Variants in IQGAP2 observed in about 807,000 individuals in gnomAD.
IQGAP2 encodes the protein ras GTPase-activating-like protein IQGAP2.
In IQGAP2, 173 loss-of-function variants were observed where a neutral mutation model predicts 201.3. That is an observed-to-expected ratio of 0.86 (90% CI 0.76 to 0.98). The LOEUF (loss-of-function observed/expected upper bound fraction) is 0.98, where lower values mean the gene tolerates loss of function less well. Ranked by LOEUF, IQGAP2 falls within the 50% of genes least tolerant of loss-of-function variation. IQGAP2 has a pLI of 0.00. For synonymous variants in IQGAP2, 675 were observed against 673.9 expected, an observed-to-expected ratio of 1.00 and a Z score of -0.03; for missense variants, 1,687 against 1,864.8, an observed-to-expected ratio of 0.90 and a Z score of 1.76.
At chr5:76,652,316 G>A (rs1752580957) in intron 17 of IQGAP2, among the ~76,000 whole-genome samples, 1 of 152,132 alleles carries the variant, frequency 6.6e-6, no homozygotes, top group South Asian at 2.1e-4. Flanking sequence ...TTCCAGTCGG[G>A]GCCACAGTGG....
chr5:76,561,566 C>G (rs1048473761), intron 2 of IQGAP2, among the ~76,000 whole-genome samples: 1 of 152,108 alleles, frequency 6.6e-6, no homozygotes, highest in African/African-American at 2.4e-5. Context: ...GAACTGCACA[C>G]CGGGTTCTTG....
intron 2 of IQGAP2, among the ~76,000 whole-genome samples, chr5:76,551,036 C>T (rs1004342296): frequency 1.3e-5 from 2 of 151,470 alleles, no homozygotes; most frequent in African/African-American, 2.4e-5. Context: ...AGAGAGGCTC[C>T]TCACTTCCCG....
chr5:76,590,010 A>G (rs1441363929), intron 7 of IQGAP2, among the ~76,000 whole-genome samples: 1 of 152,188 alleles, frequency 6.6e-6, no homozygotes, highest in Non-Finnish European at 1.5e-5. Context: ...TTAGTGGTAG[A>G]GTTCATTGTT....
At chr5:76,425,664 C>T (rs979388986) in intron 1 of IQGAP2, among the ~76,000 whole-genome samples, 3 of 152,116 alleles carry the variant, frequency 2.0e-5, no homozygotes, top group Non-Finnish European at 2.9e-5. Context: ...CATTAGTTCT[C>T]ATATTATTCC....
At chr5:76,504,577 A>G (rs1757490912) in intron 2 of IQGAP2, among the ~76,000 whole-genome samples, 1 of 152,102 alleles carries the variant, frequency 6.6e-6, no homozygotes, top group South Asian at 2.1e-4. Context: ...TGAGCCCCAG[A>G]TCTGTGTGTG....
At chr5:76,662,771 TC>T (rs1743376990) in intron 21 of IQGAP2, among the ~76,000 whole-genome samples, 1 of 152,234 alleles carries the variant, frequency 6.6e-6, no homozygotes, top group Non-Finnish European at 1.5e-5. Flanking sequence ...TAACTGCACT[TC>T]CTTTCTTTGT....
chr5:76,697,631 G>A (rs901777568), intron 32 of IQGAP2, among the ~76,000 whole-genome samples: 1 of 151,950 alleles, frequency 6.6e-6, no homozygotes, highest in African/African-American at 2.4e-5. Flanking sequence ...GCAAGACTAT[G>A]TCTAAAAAAA....
intron 2 of IQGAP2, among the ~76,000 whole-genome samples, chr5:76,530,861 A>G (rs1444911172): frequency 6.6e-6 from 1 of 152,236 alleles, no homozygotes; most frequent in African/African-American, 2.4e-5. Flanking sequence ...TTAAGAATCC[A>G]TTCAGAATGC....
At chr5:76,540,613 G>A (rs1409423112) in intron 2 of IQGAP2, among the ~76,000 whole-genome samples, 2 of 152,220 alleles carry the variant, frequency 1.3e-5, no homozygotes, top group African/African-American at 4.8e-5. Context: ...AGGGTACCAT[G>A]AACAGAAGTA....
At chr5:76,672,884 A>G (rs1231747748) in intron 24 of IQGAP2, among the ~76,000 whole-genome samples, 4 of 130,964 alleles carry the variant, frequency 3.1e-5, no homozygotes, top group Non-Finnish European at 6.3e-5. Context: ...GAAGGGGAAC[A>G]TCACACTCTG....
At chr5:76,596,190 A>G (rs1246016963) in intron 9 of IQGAP2, among the ~76,000 whole-genome samples, 1 of 152,218 alleles carries the variant, frequency 6.6e-6, no homozygotes. Context: ...CATCTTGTCA[A>G]AAAGGGTTAG....
chr5:76,640,887 T>G, intron 16 of IQGAP2, 46 bp from the exon 17 acceptor site: 2 of 1,378,188 alleles, frequency 1.5e-6, no homozygotes, highest in Non-Finnish European at 2.0e-6. Flanking sequence ...ATGTGTGCCT[T>G]TCAGCTGATG....
At chr5:76,445,530 T>C (rs188446674) in intron 1 of IQGAP2, among the ~76,000 whole-genome samples, 2 of 150,280 alleles carry the variant, frequency 1.3e-5, no homozygotes, top group Non-Finnish European at 3.0e-5. Flanking sequence ...AATGGTGTGG[T>C]CTCGGCTCCC....
intron 15 of IQGAP2, among the ~76,000 whole-genome samples, chr5:76,632,333 T>TG (rs1181365818): frequency 2.6e-5 from 4 of 152,176 alleles, no homozygotes; most frequent in Non-Finnish European, 5.9e-5. Flanking sequence ...TATAAACAGA[T>TG]GTTTACACTA....
chr5:76,702,554 T>C lies in IQGAP2; in HGVS notation c.4578T>C (p.Leu1526=). Residue 1526 remains leucine, a synonymous_variant, in exon 35 of 36, where the codon CTT becomes CTC. Transcript: ENST00000274364. ...TTTTCGATGTAAGATCAAAATTCCTTGGTGTTGAGATGGAAAAGGTGCAAC... is the reference window on the plus strand; with the variant it reads ...TTTTCGATGTAAGATCAAAATTCCTCGGTGTTGAGATGGAAAAGGTGCAAC... ...VGIFDVRSKF[L]GVEMEKVQLN... 6.3e-7 allele frequency: 1 copy of C among 1,595,084 alleles called. No individual in the cohort carries two copies. The highest frequency in any genetic ancestry group is 1.1e-5 in the South Asian group (1 of 90,642).
At chr5:76,654,065 G>A (rs188537532) in intron 18 of IQGAP2, 135 bp from the exon 19 acceptor site, 13 of 580,678 alleles carry the variant, frequency 2.2e-5, no homozygotes, top group Admixed American at 2.0e-4. Context: ...TTATTCAGTG[G>A]GCTGCTTTTT....
Position 76,617,792 on chromosome 5 carries a change from G to A in IQGAP2, c.1521+6609G>A, listed in dbSNP as rs746015287. 1.7e-5 allele frequency: 28 copies of A among 1,613,506 alleles called. No individual in the cohort carries two copies. In the African/African-American group the frequency reaches 3.2e-4, roughly 18 times the overall value. ...AGCAAATGGTAAAAATCACAAGGAT[G>A]AGGAGACTCGCCTTAACATACCACA... On this transcript the variant is annotated intron_variant, in intron 13 of 35. Coordinates refer to ENST00000274364, the MANE Select transcript of IQGAP2 (RefSeq NM_006633.5).
At chr5:76,699,656 TCTCTCA>T (rs1472799668) in intron 33 of IQGAP2, among the ~76,000 whole-genome samples, 25 of 87,602 alleles carry the variant, frequency 2.9e-4, no homozygotes, top group Admixed American at 3.6e-4. Context: ...TCTCTCTCTC[TCTCTCA>T]CTCTCGTGCT....
chr5:76,599,394 C>G (rs548292048), intron 10 of IQGAP2, among the ~76,000 whole-genome samples: 1 of 152,284 alleles, frequency 6.6e-6, no homozygotes, highest in African/African-American at 2.4e-5. Flanking sequence ...CTCATTCATC[C>G]TCAACTGGCC....
Sources: allele counts gnomAD v4.1 joint callset (sites outside exome capture counted in the v4.1 genomes callset), GRCh38; gene constraint gnomAD v4.1.1; transcripts MANE v1.5; gene names NCBI Gene and HGNC (gene_info 2026-07-23, HGNC 2026-07-21).